The following TENM2 variants were observed in gnomAD, a reference collection of about 807,000 sequenced individuals.
The protein encoded by TENM2 is teneurin-2.
In TENM2, 52 loss-of-function variants were observed where a neutral mutation model predicts 245.2. The ratio of observed to expected loss-of-function variants is 0.21; its 90% CI spans 0.17 to 0.27. The LOEUF (loss-of-function observed/expected upper bound fraction) is 0.27, where lower values mean the gene tolerates loss of function less well. TENM2 is among the 10% of genes least tolerant of loss of function. The pLI is 1.00. For missense variants in TENM2, 3,046 were observed against 3,666.8 expected, an observed-to-expected ratio of 0.83 and a Z score of 4.37; for synonymous variants, 1,363 against 1,438.9, an observed-to-expected ratio of 0.95 and a Z score of 1.19.
intron 2 of TENM2, among the ~76,000 whole-genome samples, chr5:167,608,826 G>T (rs533895353): frequency 6.6e-6 from 1 of 152,290 alleles, no homozygotes; most frequent in South Asian, 2.1e-4. Context: ...CTGAAAGCTT[G>T]TCAGATGGGA....
chr5:167,229,327 A>G, the TENM2 span, among the ~76,000 whole-genome samples: 3 of 152,322 alleles, frequency 2.0e-5, no homozygotes, highest in South Asian at 2.1e-4. Context: ...GCACCAATTT[A>G]GCAGATCCAG....
At chr5:167,254,513 T>C in the TENM2 span, among the ~76,000 whole-genome samples, 1 of 152,132 alleles carries the variant, frequency 6.6e-6, no homozygotes, top group Non-Finnish European at 1.5e-5. Flanking sequence ...CCAGCCCTTC[T>C]CTTAAATTTC....
chr5:168,247,771 T>G lies in TENM2; in HGVS notation c.6832T>G (p.Phe2278Val). 6.2e-7 allele frequency: 1 copy of G among 1,613,938 alleles called. No homozygotes were observed. ...TCTGTGCCAGAGAGGGTCTGACATC[T>G]TCGAATACAATTCCAAGGGCCTCCT... The change falls in exon 27 of 29, where the codon TTC (phenylalanine) becomes GTC (valine). Residue 2278 changes from phenylalanine (F) to valine (V), a missense_variant. Coordinates refer to ENST00000518659, the Ensembl canonical transcript of TENM2. The surrounding 1 kb of genome is among the most constrained non-coding windows in gnomAD (Gnocchi z 7.8).
At chr5:167,335,843 C>T (rs1757720843) in intron 1 of TENM2, among the ~76,000 whole-genome samples, 1 of 152,108 alleles carries the variant, frequency 6.6e-6, no homozygotes, top group Non-Finnish European at 1.5e-5. Context: ...TTCTCAGGGA[C>T]CTTATGAATA....
chr5:167,272,544 C>T, the TENM2 span, among the ~76,000 whole-genome samples: 1 of 152,064 alleles, frequency 6.6e-6, no homozygotes, highest in Non-Finnish European at 1.5e-5. Flanking sequence ...TATAGAATAC[C>T]TTTAACATTA....
intron 2 of TENM2, among the ~76,000 whole-genome samples, chr5:167,780,305 T>C (rs1413118389): frequency 6.6e-6 from 1 of 152,194 alleles, no homozygotes; most frequent in East Asian, 1.9e-4. Context: ...AAACCCGCAG[T>C]GCTCTCACAG....
chr5:167,601,390 G>A (rs1430706642), intron 2 of TENM2, among the ~76,000 whole-genome samples: 2 of 152,226 alleles, frequency 1.3e-5, no homozygotes, highest in South Asian at 2.1e-4. Flanking sequence ...GCCACAAGTG[G>A]CAAGAGGGAT....
chr5:167,470,559 T>C (rs766333517), intron 2 of TENM2, among the ~76,000 whole-genome samples: 2 of 145,518 alleles, frequency 1.4e-5, no homozygotes, highest in Non-Finnish European at 3.0e-5. Flanking sequence ...TTTAGAAAAA[T>C]AGATTCTTTC....
Position 167,667,460 on chromosome 5 carries a change from C to T in TENM2, c.503-208526C>T, listed in dbSNP as rs893706091. ...TCTCTCATGCTTTATTAGACAAAGC[C>T]GAGTCATCAGTCCACCCATCAGTCA... is the stretch of plus-strand genomic sequence containing the variant. On this transcript the variant is annotated intron_variant, in intron 2 of 28. Coordinates refer to ENST00000518659, the Ensembl canonical transcript of TENM2. Among the ~76,000 whole-genome samples the T allele has an allele frequency of 3.9e-5, 6 of 152,160 alleles. No individual in the cohort carries two copies. The South Asian group carries it at 6.2e-4, about 16-fold the overall frequency.
chr5:168,180,806 G>A (rs1759806647), intron 13 of TENM2, among the ~76,000 whole-genome samples: 1 of 152,096 alleles, frequency 6.6e-6, no homozygotes, highest in Non-Finnish European at 1.5e-5. Context: ...GGAGACTAAG[G>A]CAGGAGAATC....
the TENM2 span, among the ~76,000 whole-genome samples, chr5:167,151,453 C>A: frequency 6.6e-6 from 1 of 152,202 alleles, no homozygotes. Context: ...GACTACGTTA[C>A]AACTACGTGT....
At chr5:167,164,662 C>T in the TENM2 span, among the ~76,000 whole-genome samples, 1 of 152,122 alleles carries the variant, frequency 6.6e-6, no homozygotes, top group Non-Finnish European at 1.5e-5. Context: ...ATATTAGCTT[C>T]ATGTCATGCT....
the TENM2 span, among the ~76,000 whole-genome samples, chr5:167,025,129 G>T: frequency 2.6e-5 from 4 of 152,084 alleles, no homozygotes; most frequent in African/African-American, 9.7e-5. Flanking sequence ...CAAGCCACAC[G>T]TATTTTAATG....
At chr5:168,236,652 T>C (rs1221099449) in intron 25 of TENM2, among the ~76,000 whole-genome samples, 1 of 152,136 alleles carries the variant, frequency 6.6e-6, no homozygotes, top group South Asian at 2.1e-4. Context: ...TGTTGTTGGC[T>C]CACCTGTCGT....
intron 7 of TENM2, among the ~76,000 whole-genome samples, chr5:168,065,994 C>T (rs1377063726): frequency 1.3e-5 from 2 of 152,098 alleles, no homozygotes; most frequent in African/African-American, 4.8e-5. Flanking sequence ...GAGGTTGCTA[C>T]TAGTACCTAG....
chr5:167,727,095 C>A, intron 2 of TENM2, among the ~76,000 whole-genome samples: 1 of 145,636 alleles, frequency 6.9e-6, no homozygotes. Context: ...GTAATGAATC[C>A]ATTAATTTCT....
intron 2 of TENM2, among the ~76,000 whole-genome samples, chr5:167,818,405 A>G (rs1767237504): frequency 1.3e-5 from 2 of 152,206 alleles, no homozygotes; most frequent in South Asian, 2.1e-4. Flanking sequence ...AACTGATAAC[A>G]TTTTGAAAAT....
At chr5:167,977,066 C>G (rs1042817885) in intron 4 of TENM2, among the ~76,000 whole-genome samples, 18 of 152,188 alleles carry the variant, frequency 1.2e-4, no homozygotes, top group Non-Finnish European at 2.5e-4. Context: ...AACACAGGAA[C>G]AGAAAACCAA....
At chr5:167,207,784 A>G in the TENM2 span, among the ~76,000 whole-genome samples, 1 of 152,058 alleles carries the variant, frequency 6.6e-6, no homozygotes, top group Non-Finnish European at 1.5e-5. Flanking sequence ...ATGGAGTTTC[A>G]CACTTGTTGC....
Sources: allele counts gnomAD v4.1 joint callset (sites outside exome capture counted in the v4.1 genomes callset), GRCh38; gene constraint gnomAD v4.1.1; non-coding constraint Gnocchi (gnomAD v3.1); transcripts MANE v1.5; gene names NCBI Gene and HGNC (gene_info 2026-07-23, HGNC 2026-07-21).